NDE1: variants seen among roughly 807,000 people sequenced by gnomAD.
NDE1 encodes nudE neurodevelopment protein 1.
NDE1 carries 28 observed loss-of-function variants against 43.4 expected under a neutral mutation model. That is an observed-to-expected ratio of 0.65 (90% CI 0.48 to 0.89). The LOEUF (loss-of-function observed/expected upper bound fraction) is 0.89. Among genes scored for constraint, NDE1 ranks in the 40% least tolerant of loss-of-function variants. The probability of loss-of-function intolerance (pLI) is 0.00; values close to 1 mark genes in which losing one functional copy is unlikely to be tolerated. For synonymous variants in NDE1, 184 were observed against 172.0 expected, an observed-to-expected ratio of 1.07 and a Z score of -0.55; for missense variants, 441 against 434.1, an observed-to-expected ratio of 1.02 and a Z score of -0.14.
intron 8 of NDE1, among the ~76,000 whole-genome samples, chr16:15,723,364 G>A (rs2040583917): frequency 6.6e-6 from 1 of 151,986 alleles, no homozygotes; most frequent in Non-Finnish European, 1.5e-5. Flanking sequence ...ATAAATATGT[G>A]GGCCGGGCAT....
In NDE1 at chr16:15,691,293, A is replaced by G; in HGVS notation, c.673A>G (p.Ser225Gly). ...TPIAHRGPSSSLNTPGSFRRG... is the reference protein window; with the variant it reads ...TPIAHRGPSSGLNTPGSFRRG... ...CATTGCTCACCGAGGACCCAGCTCA[A>G]GTTTAAACACACCTGGGAGCTTCAG... Residue 225 changes from serine (S) to glycine (G), a missense_variant, in exon 6 of 9, where the codon AGT becomes GGT. Physicochemically the swap from Ser to Gly is moderately conservative, Grantham distance 56. Coordinates refer to ENST00000396354, the MANE Select transcript of NDE1 (RefSeq NM_017668.3). The G allele has an allele frequency of 6.2e-7, 1 of 1,614,094 alleles. No homozygotes were observed. Among genetic ancestry groups the G allele is most frequent in the Non-Finnish European group, 8.5e-7 (1 of 1,180,010 alleles).
In NDE1 at chr16:15,654,177, A is replaced by G. The variant is rs1157371621; in HGVS notation, c.-44+3883A>G. Among the ~76,000 whole-genome samples the G allele has an allele frequency of 5.3e-5, 8 of 152,314 alleles. No individual in the cohort carries two copies. The South Asian group carries it at 8.3e-4, about 16-fold the overall frequency. On this transcript the variant is annotated intron_variant, in intron 1 of 8. Coordinates refer to ENST00000396354, the MANE Select transcript of NDE1 (RefSeq NM_017668.3). The stretch of plus-strand genomic sequence containing the variant: ...CTGGGGCATGATGGTGTGGTGGCGT[A>G]TTAAGAACGCAGGTTAGTGGCACAC...
At chr16:15,646,594 A>G (rs954068363), upstream of NDE1, among the ~76,000 whole-genome samples, 5 of 151,782 alleles carry the variant, frequency 3.3e-5, no homozygotes, top group African/African-American at 9.7e-5. Flanking sequence ...AAAGAAAAAA[A>G]AAATCCAAGG....
At position 15,720,965 on chromosome 16, in the gene NDE1, C is replaced by T. The variant is rs564724459; in HGVS notation, c.948-3226C>T. ...GCAGTTTGGCGTCCTCCGTGGCTTG[C>T]AGCTCGTCCTCCAGCTCTTCCAGCT... On this transcript the variant is annotated intron_variant, in intron 8 of 8. Transcript: ENST00000396354. The T allele has an allele frequency of 6.2e-7, 1 of 1,614,098 alleles. No homozygotes were observed. The highest frequency in any genetic ancestry group is 8.5e-7 in the Non-Finnish European group (1 of 1,180,034).
rs1463202782 is a variant in NDE1 at position 15,677,950 on chromosome 16, G to A, written c.386+1G>A. On this transcript the variant is annotated splice_donor_variant, in intron 4 of 8. Coordinates refer to ENST00000396354, the MANE Select transcript of NDE1 (RefSeq NM_017668.3). LOFTEE classifies it high-confidence loss of function. ...ATGACGACCTGGAAAGAGCCAAGCG[G>A]TATGGGTGGAAGGGAAAAGCACGAG... The A allele has an allele frequency of 6.2e-7, 1 of 1,613,962 alleles. No individual in the cohort carries two copies. The highest frequency in any genetic ancestry group is 8.5e-7 in the Non-Finnish European group (1 of 1,180,046).
intron 8 of NDE1, among the ~76,000 whole-genome samples, chr16:15,719,922 C>G (rs375253455): frequency 6.6e-6 from 1 of 152,176 alleles, no homozygotes; most frequent in African/African-American, 2.4e-5. Context: ...GCCTGAGAAG[C>G]TGAGCCCCTG....
At chr16:15,717,386 G>A (rs771988710) in intron 8 of NDE1, 6 of 1,599,210 alleles carry the variant, frequency 3.8e-6, no homozygotes, top group Non-Finnish European at 5.1e-6. Flanking sequence ...CGGACTCAGG[G>A]AAGCCCAAGA....
chr16:15,644,782 G>C (rs2036281023), intron 1 of NDE1, among the ~76,000 whole-genome samples: 1 of 152,034 alleles, frequency 6.6e-6, no homozygotes, highest in South Asian at 2.1e-4. Flanking sequence ...TTTTATTTCA[G>C]TTGAGTATGT....
chr16:15,652,330 C>T (rs1439470859), intron 1 of NDE1, among the ~76,000 whole-genome samples: 1 of 152,202 alleles, frequency 6.6e-6, no homozygotes, highest in East Asian at 1.9e-4. Context: ...AGGCATGAGC[C>T]ACTGCATGCA....
chr16:15,647,963 G>T (rs1252156106), upstream of NDE1, among the ~76,000 whole-genome samples: 1 of 150,604 alleles, frequency 6.6e-6, no homozygotes, highest in African/African-American at 2.4e-5. Context: ...AGCCTGGGAG[G>T]TCCAGGATGC....
intron 6 of NDE1, among the ~76,000 whole-genome samples, chr16:15,691,766 G>C (rs998738283): frequency 7.9e-5 from 12 of 151,382 alleles, no homozygotes; most frequent in Non-Finnish European, 1.5e-4. Flanking sequence ...TCATCCTCCG[G>C]AGTAGCTGGG....
At chr16:15,685,615 A>G (rs1159821501) in intron 4 of NDE1, among the ~76,000 whole-genome samples, 2 of 152,134 alleles carry the variant, frequency 1.3e-5, no homozygotes, top group East Asian at 3.8e-4. Context: ...AGACCCTGTG[A>G]GGGTAGGTAC....
upstream of NDE1, among the ~76,000 whole-genome samples, chr16:15,649,656 CAT>C (rs1311185898): frequency 6.6e-6 from 1 of 152,162 alleles, no homozygotes; most frequent in East Asian, 1.9e-4. Context: ...GAAACGGAGT[CAT>C]AGAGGCTAAA....
At chr16:15,721,660 T>G in intron 8 of NDE1, 1 of 1,612,606 alleles carries the variant, frequency 6.2e-7, no homozygotes, top group Non-Finnish European at 8.5e-7. Flanking sequence ...CAGAGGTGAC[T>G]TCTAGGCATA....
At chr16:15,703,279 GTC>G (rs886051729) in intron 8 of NDE1, 9 of 225,764 alleles carry the variant, frequency 4.0e-5, no homozygotes, top group Non-Finnish European at 8.0e-5. Flanking sequence ...AACTGTGCGT[GTC>G]TGAGGTGTGG....
chr16:15,657,136 C>T (rs1398461715), intron 1 of NDE1, among the ~76,000 whole-genome samples: 6 of 151,256 alleles, frequency 4.0e-5, no homozygotes, highest in African/African-American at 1.2e-4. Flanking sequence ...TCACTCTTGT[C>T]GTCCAGGTTG....
intron 2 of NDE1, 140 bp downstream of exon 2, chr16:15,665,001 T>A: frequency 1.5e-6 from 1 of 664,428 alleles, no homozygotes; most frequent in Non-Finnish European, 2.6e-6. Context: ...GCTTAAGCGA[T>A]CATCCTGGCT....
At chr16:15,648,979 T>C (rs2036388989), upstream of NDE1, among the ~76,000 whole-genome samples, 1 of 152,096 alleles carries the variant, frequency 6.6e-6, no homozygotes, top group African/African-American at 2.4e-5. Context: ...GTGGATCACC[T>C]GAGGACAGGG....
At chr16:15,700,098 G>GCTA in intron 8 of NDE1, 1 of 1,140,058 alleles carries the variant, frequency 8.8e-7, no homozygotes, top group Admixed American at 4.2e-5. Flanking sequence ...CGGTGATGAG[G>GCTA]CTACCGTGTT....
Sources: allele counts gnomAD v4.1 joint callset (sites outside exome capture counted in the v4.1 genomes callset), GRCh38; gene constraint gnomAD v4.1.1; transcripts MANE v1.5; gene names NCBI Gene and HGNC (gene_info 2026-07-23, HGNC 2026-07-21).